The following TULP4 variants were observed in gnomAD, a reference collection of about 807,000 sequenced individuals.
The protein encoded by TULP4 is TUB like protein 4.
A neutral mutation model predicts 129.0 loss-of-function variants in TULP4; 16 were observed. The ratio of observed to expected loss-of-function variants is 0.12; its 90% CI spans 0.08 to 0.19. The LOEUF (loss-of-function observed/expected upper bound fraction) is 0.19, where lower values mean the gene tolerates loss of function less well. Among genes scored for constraint, TULP4 ranks in the 10% least tolerant of loss-of-function variants. The probability of loss-of-function intolerance (pLI) is 1.00; values close to 1 mark genes in which losing one functional copy is unlikely to be tolerated. For synonymous variants in TULP4, 998 were observed against 854.0 expected, an observed-to-expected ratio of 1.17 and a Z score of -2.94; for missense variants, 1,842 against 2,059.1, an observed-to-expected ratio of 0.89 and a Z score of 2.04.
At chr6:158,471,814 A>T (rs368756376) in intron 6 of TULP4, among the ~76,000 whole-genome samples, 1 of 152,278 alleles carries the variant, frequency 6.6e-6, no homozygotes, top group East Asian at 1.9e-4. Context: ...GGGTTTATGG[A>T]TGGACTGGTG....
chr6:158,374,291 G>GA lies in TULP4; in HGVS notation c.253-38757dup, dbSNP rs11335189. 2.9e-3 allele frequency among the ~76,000 whole-genome samples: 363 copies of GA among 124,678 alleles called. 2 individuals carry two copies. The highest frequency in any genetic ancestry group is 0.012 in the South Asian group (46 of 3,726). 81.8% of individuals were successfully genotyped at this position (124,678 alleles called of 152,430 possible). ...GACAGAGTGAGACCTTGTCTTTAAA[G>GA]AAAAAAAAAAAAAAAAACAAGAAGT... is the stretch of plus-strand genomic sequence containing the variant. On this transcript the variant is annotated intron_variant, in intron 1 of 13. Coordinates refer to ENST00000367097, the MANE Select transcript of TULP4 (RefSeq NM_020245.5).
chr6:158,262,379 C>T (rs1471073460), intron 1 of TULP4, among the ~76,000 whole-genome samples: 1 of 152,146 alleles, frequency 6.6e-6, no homozygotes, highest in Non-Finnish European at 1.5e-5. Flanking sequence ...AACACGCCTA[C>T]GGTGCTGAGT....
At chr6:158,506,009 T>C (rs1196465621) in intron 13 of TULP4, among the ~76,000 whole-genome samples, 1 of 152,076 alleles carries the variant, frequency 6.6e-6, no homozygotes, top group African/African-American at 2.4e-5. Flanking sequence ...CGGATGGAGC[T>C]GGAGGCCATT....
At chr6:158,474,400 A>G (rs77910276) in intron 6 of TULP4, among the ~76,000 whole-genome samples, 1,621 of 152,338 alleles carry the variant, frequency 0.011, 27 homozygotes, top group African/African-American at 0.037. Context: ...CAGGACCAGT[A>G]TAGTTGGTTT....
chr6:158,451,045 A>G (rs1779153256), intron 4 of TULP4, among the ~76,000 whole-genome samples: 1 of 152,190 alleles, frequency 6.6e-6, no homozygotes, highest in African/African-American at 2.4e-5. Flanking sequence ...AGCCTGGGCA[A>G]CAGAGCAAGT....
intron 1 of TULP4, among the ~76,000 whole-genome samples, chr6:158,252,020 G>A (rs1778150170): frequency 6.6e-6 from 1 of 152,204 alleles, no homozygotes; most frequent in African/African-American, 2.4e-5. Flanking sequence ...TGGATGGTTG[G>A]GACAAAACAT....
intron 1 of TULP4, among the ~76,000 whole-genome samples, chr6:158,350,258 G>A (rs1780479666): frequency 2.2e-4 from 1 of 4,564 alleles, no homozygotes; most frequent in African/African-American, 3.5e-4. Flanking sequence ...CGGCCGGGCA[G>A]AGGGGCTCCT....
chr6:158,388,018 A>G (rs1021432140), intron 1 of TULP4, among the ~76,000 whole-genome samples: 1 of 152,220 alleles, frequency 6.6e-6, no homozygotes, highest in Non-Finnish European at 1.5e-5. Context: ...TCTAATTGCA[A>G]ATAAGACAGT....
chr6:158,267,444 A>C (rs1425267748), intron 1 of TULP4, among the ~76,000 whole-genome samples: 2 of 152,184 alleles, frequency 1.3e-5, no homozygotes, highest in Non-Finnish European at 2.9e-5. Context: ...AGAGTAACCA[A>C]AGGAGGTTGT....
chr6:158,276,494 A>C (rs1242873640), intron 1 of TULP4, among the ~76,000 whole-genome samples: 1 of 150,826 alleles, frequency 6.6e-6, no homozygotes, highest in East Asian at 1.9e-4. Flanking sequence ...TATAGTAGAC[A>C]TGGAGTCTCA....
intron 9 of TULP4, among the ~76,000 whole-genome samples, chr6:158,491,058 T>C (rs1227269619): frequency 6.6e-6 from 1 of 152,214 alleles, no homozygotes; most frequent in Non-Finnish European, 1.5e-5. Flanking sequence ...AGTTGCATGG[T>C]CATGGGTCAG....
Position 158,506,891 on chromosome 6 carries a change from G to A in TULP4, c.*197G>A, listed in dbSNP as rs1005573910. ...TGGTTGGGTTTTATTACCTTTTATT[G>A]TCTGTTCTTCTTTTCTTCTTTCATT... On this transcript the variant is annotated 3_prime_UTR_variant, in exon 14 of 14. Transcript: ENST00000367097. 8.7e-6 allele frequency: 5 copies of A among 572,836 alleles called. No individual in the cohort carries two copies. The highest frequency in any genetic ancestry group is 3.8e-5 in the African/African-American group (2 of 53,112). The allele number at this position is 572,836 out of a possible 1,614,324, so 35.5% of individuals were successfully genotyped here.
At chr6:158,320,432 ATTT>A (rs34867450) in intron 1 of TULP4, among the ~76,000 whole-genome samples, 6 of 142,304 alleles carry the variant, frequency 4.2e-5, no homozygotes, top group Admixed American at 1.4e-4. Flanking sequence ...TTTAACAGGA[ATTT>A]TTTTTTTTTT....
At chr6:158,303,706 A>G (rs143348970) in intron 1 of TULP4, among the ~76,000 whole-genome samples, 320 of 152,348 alleles carry the variant, frequency 2.1e-3, no homozygotes, top group Non-Finnish European at 3.9e-3. Context: ...GAGCACTCAC[A>G]GACAATGTGT....
chr6:158,453,940 G>C (rs1211133289), intron 5 of TULP4, among the ~76,000 whole-genome samples: 1 of 150,918 alleles, frequency 6.6e-6, no homozygotes, highest in Non-Finnish European at 1.5e-5. Flanking sequence ...GCAACAGAGG[G>C]AGACTCCGTC....
Position 158,441,737 on chromosome 6 carries a change from G to A in TULP4, c.544-7259G>A, listed in dbSNP as rs75994279. Among the ~76,000 whole-genome samples, 486 of 152,118 alleles carry A rather than the reference G, an allele frequency of 3.2e-3. 4 individuals are homozygous for A. Among genetic ancestry groups the A allele is most frequent in the Middle Eastern group, 0.031 (9 of 294 alleles). Reference sequence around the variant, plus strand: ...TGGCCTCTAAATACTGCAGACTCTCGGACATAAATTATTTCATCCACACCA... The same window carrying A: ...TGGCCTCTAAATACTGCAGACTCTCAGACATAAATTATTTCATCCACACCA... On this transcript the variant is annotated intron_variant, in intron 3 of 13. Transcript: ENST00000367097.
intron 6 of TULP4, among the ~76,000 whole-genome samples, chr6:158,470,385 G>C (rs1028145086): frequency 6.6e-6 from 1 of 152,252 alleles, no homozygotes; most frequent in Non-Finnish European, 1.5e-5. Flanking sequence ...GGACCCAAAG[G>C]GGGTTGCCGT....
At chr6:158,426,111 T>A (rs1289846381) in intron 2 of TULP4, among the ~76,000 whole-genome samples, 2 of 152,260 alleles carry the variant, frequency 1.3e-5, no homozygotes, top group African/African-American at 4.8e-5. Context: ...TCCTTATAGA[T>A]GCTGTATATT....
Position 158,297,374 on chromosome 6 carries a change from A to G in TULP4, n.117-14677A>G, listed in dbSNP as rs568348946. On this transcript the variant is annotated intron_variant and non_coding_transcript_variant, in intron 1 of 1. Transcript: ENST00000432358. ...CTTTTTTAAGGTGCACTGATTTCAT[A>G]TTGTTCAAACACACATGTTTTACAA... Among the ~76,000 whole-genome samples, 3 of 152,224 alleles carry G rather than the reference A, an allele frequency of 2.0e-5. No homozygotes were observed. The South Asian group carries it at 6.2e-4, about 32-fold the overall frequency.
Sources: gnomAD v4.1 joint callset for allele counts (sites outside exome capture counted in the v4.1 genomes callset) on GRCh38, gnomAD v4.1.1 for gene constraint, MANE v1.5 for transcripts, NCBI Gene and HGNC (gene_info 2026-07-23, HGNC 2026-07-21) for gene names.